DCC: variants seen among roughly 807,000 people sequenced by gnomAD.
DCC encodes DCC netrin 1 receptor.
Under a neutral mutation model 172.5 loss-of-function variants are expected in DCC, and 58 were observed. That is an observed-to-expected ratio of 0.34 (90% CI 0.27 to 0.42). The LOEUF (loss-of-function observed/expected upper bound fraction) is 0.42. Among genes scored for constraint, DCC ranks in the 10% least tolerant of loss-of-function variants. The pLI, the probability that DCC is intolerant of heterozygous loss-of-function variation, is 1.00. For missense variants in DCC, 1,740 were observed against 1,791.0 expected (o/e 0.97, Z 0.51); for synonymous variants, 709 against 644.5 (o/e 1.10, Z -1.52).
intron 1 of DCC, among the ~76,000 whole-genome samples, chr18:52,647,144 CCTT>C (rs566914553): frequency 3.5e-4 from 53 of 152,120 alleles, no homozygotes; most frequent in Non-Finnish European, 7.1e-4. Flanking sequence ...TCAGTATTGA[CCTT>C]CTCATCTGAA....
At chr18:53,162,159 C>T (rs4513167) in intron 8 of DCC, among the ~76,000 whole-genome samples, 49,705 of 151,744 alleles carry the variant, frequency 0.33, 9,739 homozygotes, top group East Asian at 0.59. Context: ...ATTAGCTGGA[C>T]GTGGTGGCAC....
chr18:52,586,322 G>A (rs2033672650), intron 1 of DCC, among the ~76,000 whole-genome samples: 2 of 152,022 alleles, frequency 1.3e-5, no homozygotes, highest in South Asian at 2.1e-4. Context: ...TCTCAGTAGA[G>A]GATGACAATA....
chr18:53,096,312 C>T (rs1007243160), intron 7 of DCC, among the ~76,000 whole-genome samples: 18 of 151,962 alleles, frequency 1.2e-4, no homozygotes, highest in African/African-American at 3.9e-4. Context: ...GCACTTTAGC[C>T]TAGATGACAG....
chr18:53,001,374 G>A (rs1412639662), intron 5 of DCC, among the ~76,000 whole-genome samples: 3 of 151,992 alleles, frequency 2.0e-5, no homozygotes, highest in African/African-American at 7.3e-5. Context: ...AGGGAATAAG[G>A]TGCCATCACC....
At chr18:52,834,447 T>C (rs1373252203) in intron 2 of DCC, among the ~76,000 whole-genome samples, 1 of 152,148 alleles carries the variant, frequency 6.6e-6, no homozygotes, top group African/African-American at 2.4e-5. Flanking sequence ...CTGTCACAAG[T>C]CCTCTGGGTG....
At chr18:53,515,461 G>T (rs1271735841) in intron 27 of DCC, among the ~76,000 whole-genome samples, 2 of 149,990 alleles carry the variant, frequency 1.3e-5, no homozygotes, top group Admixed American at 6.8e-5. Context: ...CAATTAGGCA[G>T]GAGAAGGAAA....
intron 1 of DCC, among the ~76,000 whole-genome samples, chr18:52,634,811 G>A (rs2034741997): frequency 6.6e-6 from 1 of 152,092 alleles, no homozygotes; most frequent in African/African-American, 2.4e-5. Flanking sequence ...TCTCTGAGGT[G>A]CAGAGGTCCT....
intron 3 of DCC, among the ~76,000 whole-genome samples, chr18:52,910,003 T>C (rs990226249): frequency 1.3e-5 from 2 of 152,098 alleles, no homozygotes; most frequent in African/African-American, 4.8e-5. Context: ...GAACTGTATA[T>C]ATTCTGTTTG....
intron 5 of DCC, among the ~76,000 whole-genome samples, chr18:53,046,979 G>A (rs569919272): frequency 2.6e-5 from 4 of 151,200 alleles, no homozygotes; most frequent in Non-Finnish European, 4.4e-5. Context: ...TCCTTTCACC[G>A]AATTTGAGGT....
chr18:52,941,486 TTGTG>T (rs74178695), intron 5 of DCC, among the ~76,000 whole-genome samples: 60 of 149,636 alleles, frequency 4.0e-4, no homozygotes, highest in African/African-American at 1.3e-3. Flanking sequence ...ATATACATGT[TTGTG>T]TGTGTGTGTG....
intron 2 of DCC, among the ~76,000 whole-genome samples, chr18:52,892,966 T>C (rs2039673015): frequency 6.6e-6 from 1 of 152,134 alleles, no homozygotes. Flanking sequence ...CTTCTTATTT[T>C]ACAAAATGGA....
chr18:53,035,065 AT>A (rs2042074579), intron 5 of DCC, among the ~76,000 whole-genome samples: 2 of 152,078 alleles, frequency 1.3e-5, no homozygotes, highest in Admixed American at 1.3e-4. Context: ...ATAGTTGTAC[AT>A]ATTTTGAGGA....
chr18:52,864,627 A>G (rs1371730552), intron 2 of DCC, among the ~76,000 whole-genome samples: 1 of 151,358 alleles, frequency 6.6e-6, no homozygotes, highest in African/African-American at 2.4e-5. Flanking sequence ...TGCTGAACCC[A>G]TCAACCTATC....
intron 1 of DCC, among the ~76,000 whole-genome samples, chr18:52,632,529 A>C (rs1178037028): frequency 6.6e-6 from 1 of 152,212 alleles, no homozygotes; most frequent in Non-Finnish European, 1.5e-5. Flanking sequence ...CCAACAATTC[A>C]AAGTCAAAAT....
intron 2 of DCC, among the ~76,000 whole-genome samples, chr18:52,760,393 G>A (rs1468906572): frequency 6.6e-6 from 1 of 152,134 alleles, no homozygotes; most frequent in African/African-American, 2.4e-5. Flanking sequence ...TACAATTCAA[G>A]ATGAGATTTG....
chr18:52,819,197 C>T (rs190100590), intron 2 of DCC, among the ~76,000 whole-genome samples: 52 of 149,430 alleles, frequency 3.5e-4, no homozygotes, highest in African/African-American at 1.2e-3. Context: ...AGTGAAGAAA[C>T]CAACAAGACA....
chr18:52,711,968 T>C (rs1273446922), intron 1 of DCC, among the ~76,000 whole-genome samples: 1 of 100,916 alleles, frequency 9.9e-6, no homozygotes, highest in Admixed American at 9.1e-5. Flanking sequence ...TCCCACTTAA[T>C]TTTTTTTTTT....
chr18:53,350,832 T>C (rs536290113), intron 15 of DCC, among the ~76,000 whole-genome samples: 4 of 152,064 alleles, frequency 2.6e-5, no homozygotes, highest in Non-Finnish European at 4.4e-5. Context: ...TGATGCTCAG[T>C]TTGATGTGAA....
chr18:52,546,339 A>G (rs148476519), intron 1 of DCC, among the ~76,000 whole-genome samples: 26 of 152,180 alleles, frequency 1.7e-4, no homozygotes, highest in African/African-American at 5.8e-4. Context: ...CCCTAGATTG[A>G]CAAAGAAGAA....
Sources: allele counts gnomAD v4.1 joint callset (sites outside exome capture counted in the v4.1 genomes callset), GRCh38; gene constraint gnomAD v4.1.1; transcripts MANE v1.5; gene names NCBI Gene and HGNC (gene_info 2026-07-23, HGNC 2026-07-21).